CAMK4: variants seen among roughly 807,000 people sequenced by gnomAD.
CAMK4 encodes calcium/calmodulin-dependent protein kinase type IV.
A neutral mutation model predicts 44.9 loss-of-function variants in CAMK4; 22 were observed. That is an observed-to-expected ratio of 0.49 (90% CI 0.35 to 0.70). The LOEUF (loss-of-function observed/expected upper bound fraction) is 0.70. Among genes scored for constraint, CAMK4 ranks in the 30% least tolerant of loss-of-function variants. The pLI, the probability that CAMK4 is intolerant of heterozygous loss-of-function variation, is 0.01. For synonymous variants in CAMK4, 218 were observed against 215.4 expected, an observed-to-expected ratio of 1.01 and a Z score of -0.11; for missense variants, 498 against 586.8, an observed-to-expected ratio of 0.85 and a Z score of 1.56.
chr5:111,444,543 A>T (rs563577942), intron 5 of CAMK4, among the ~76,000 whole-genome samples: 9 of 152,260 alleles, frequency 5.9e-5, no homozygotes, highest in African/African-American at 2.2e-4. Flanking sequence ...TGAGAAATGT[A>T]CATCCAGCTA....
chr5:111,409,568 A>G (rs1003599133), intron 5 of CAMK4, among the ~76,000 whole-genome samples: 1 of 152,192 alleles, frequency 6.6e-6, no homozygotes, highest in African/African-American at 2.4e-5. Flanking sequence ...GGTGATTAAC[A>G]TTTGGCTTCT....
chr5:111,355,580 C>A (rs1396760549), intron 2 of CAMK4, among the ~76,000 whole-genome samples: 5 of 149,684 alleles, frequency 3.3e-5, no homozygotes, highest in African/African-American at 9.8e-5. Context: ...TATACATGTG[C>A]CATGCTGGTG....
intron 5 of CAMK4, among the ~76,000 whole-genome samples, chr5:111,445,729 A>C (rs758058251): frequency 6.6e-6 from 1 of 152,230 alleles, no homozygotes; most frequent in African/African-American, 2.4e-5. Context: ...TAATATACAG[A>C]TGTCCTGAAT....
In CAMK4 at chr5:111,270,261, G is replaced by A. The variant is rs566353162; in HGVS notation, c.161+45617G>A. Reference sequence around the variant, plus strand: ...TATAAGTTCTGTTCTAAAAGGTTACGTAAAACCCCTCCTCATTAAGGCTTT... The same window carrying A: ...TATAAGTTCTGTTCTAAAAGGTTACATAAAACCCCTCCTCATTAAGGCTTT... On this transcript the variant is annotated intron_variant, in intron 1 of 10. Coordinates refer to ENST00000282356, the MANE Select transcript of CAMK4 (RefSeq NM_001744.6). Among the ~76,000 whole-genome samples the A allele has an allele frequency of 8.5e-5, 13 of 152,244 alleles. No individual in the cohort carries two copies. In the East Asian group the frequency reaches 1.7e-3, roughly 20 times the overall value.
chr5:111,464,528 A>C (rs1374380411), intron 7 of CAMK4, among the ~76,000 whole-genome samples: 1 of 152,214 alleles, frequency 6.6e-6, no homozygotes, highest in African/African-American at 2.4e-5. Context: ...ACCCAGGCAC[A>C]GAGTCATAAG....
intron 1 of CAMK4, among the ~76,000 whole-genome samples, chr5:111,245,350 T>C (rs1164897485): frequency 1.3e-5 from 2 of 152,226 alleles, no homozygotes; most frequent in East Asian, 3.8e-4. Flanking sequence ...TAAGAAAAAT[T>C]ATTTTAATTT....
intron 3 of CAMK4, 141 bp downstream of exon 3, chr5:111,375,053 C>T (rs1180090070): frequency 1.7e-6 from 1 of 603,806 alleles, no homozygotes; most frequent in Admixed American, 3.0e-5. Context: ...GTCCTCATCT[C>T]ATCACCTTTT....
At chr5:111,456,336 A>C (rs929502475) in intron 7 of CAMK4, among the ~76,000 whole-genome samples, 2 of 151,962 alleles carry the variant, frequency 1.3e-5, no homozygotes, top group African/African-American at 4.8e-5. Context: ...CTAAAAATAC[A>C]AAAAATTAGC....
intron 4 of CAMK4, among the ~76,000 whole-genome samples, chr5:111,391,972 C>T (rs902014637): frequency 1.3e-5 from 2 of 152,128 alleles, no homozygotes; most frequent in African/African-American, 4.8e-5. Context: ...GCTCTCTTTC[C>T]TCCTGCTACT....
chr5:111,272,936 C>G (rs1337581541), intron 1 of CAMK4, among the ~76,000 whole-genome samples: 4 of 152,116 alleles, frequency 2.6e-5, no homozygotes, highest in Non-Finnish European at 5.9e-5. Context: ...GGGGACTATG[C>G]CTTCAACTTA....
chr5:111,452,259 G>A (rs998347757), intron 7 of CAMK4, among the ~76,000 whole-genome samples: 2 of 152,150 alleles, frequency 1.3e-5, no homozygotes, highest in Non-Finnish European at 2.9e-5. Flanking sequence ...AGAGTTTTTG[G>A]TACAGAGGGC....
At chr5:111,426,401 C>T (rs1753227243) in intron 5 of CAMK4, among the ~76,000 whole-genome samples, 1 of 152,152 alleles carries the variant, frequency 6.6e-6, no homozygotes, top group African/African-American at 2.4e-5. Context: ...AAAAATTACA[C>T]TGTGAACATA....
chr5:111,366,387 A>G (rs28617183), intron 2 of CAMK4, among the ~76,000 whole-genome samples: 1 of 152,230 alleles, frequency 6.6e-6, no homozygotes, highest in Non-Finnish European at 1.5e-5. Context: ...CCAGTTTTCC[A>G]AGAGTGTTTG....
intron 1 of CAMK4, among the ~76,000 whole-genome samples, chr5:111,309,712 C>T (rs948172517): frequency 6.6e-6 from 1 of 152,120 alleles, no homozygotes; most frequent in African/African-American, 2.4e-5. Flanking sequence ...TCCATGACCA[C>T]CCTTTAACTT....
intron 1 of CAMK4, among the ~76,000 whole-genome samples, chr5:111,232,974 C>T (rs1192509390): frequency 6.6e-6 from 1 of 152,174 alleles, no homozygotes; most frequent in Non-Finnish European, 1.5e-5. Context: ...AACATACAGA[C>T]AATAGCACAT....
intron 1 of CAMK4, among the ~76,000 whole-genome samples, chr5:111,256,836 A>G (rs961096905): frequency 6.6e-6 from 1 of 152,208 alleles, no homozygotes; most frequent in East Asian, 1.9e-4. Flanking sequence ...TCACAACAGT[A>G]TCTTTGGTCT....
At chr5:111,475,946 A>G (rs1470837673) in intron 8 of CAMK4, among the ~76,000 whole-genome samples, 1 of 152,210 alleles carries the variant, frequency 6.6e-6, no homozygotes, top group Admixed American at 6.5e-5. Flanking sequence ...TAGAGAAGTA[A>G]CCAAATGAAG....
At chr5:111,378,351 G>A (rs1751292443) in intron 4 of CAMK4, among the ~76,000 whole-genome samples, 1 of 152,080 alleles carries the variant, frequency 6.6e-6, no homozygotes, top group African/African-American at 2.4e-5. Context: ...TTAAATAGCA[G>A]CTCAAATGGA....
intron 1 of CAMK4, among the ~76,000 whole-genome samples, chr5:111,341,300 A>G (rs1749633218): frequency 6.6e-6 from 1 of 150,918 alleles, no homozygotes; most frequent in Admixed American, 6.6e-5. Context: ...CTTTTTTTCT[A>G]TGTTTTTTAA....
Sources: allele counts gnomAD v4.1 joint callset (sites outside exome capture counted in the v4.1 genomes callset), GRCh38; gene constraint gnomAD v4.1.1; transcripts MANE v1.5; gene names NCBI Gene and HGNC (gene_info 2026-07-23, HGNC 2026-07-21).